Variants in TMEM222 observed in about 807,000 individuals in gnomAD.
TMEM222 encodes the protein transmembrane protein 222, also known as chromosome 1 open reading frame 160.
In TMEM222, 18 loss-of-function variants were observed where a neutral mutation model predicts 25.1. That is an observed-to-expected ratio of 0.72 (90% CI 0.50 to 1.06). The LOEUF is 1.06. TMEM222 is among the 50% of genes least tolerant of loss of function. TMEM222 has a pLI of 0.00. For synonymous variants in TMEM222, 131 were observed against 117.9 expected, an observed-to-expected ratio of 1.11 and a Z score of -0.72; for missense variants, 296 against 293.7, an observed-to-expected ratio of 1.01 and a Z score of -0.06.
At chr1:27,333,029 A>G (rs921547668) in intron 3 of TMEM222, 1 of 310,608 alleles carries the variant, frequency 3.2e-6, no homozygotes, top group Non-Finnish European at 6.4e-6. Context: ...TTGGAACAGC[A>G]ATTCTCACCC....
At chr1:27,334,379 G>C (rs2014556172) in intron 5 of TMEM222, 98 bp downstream of exon 5, 2 of 1,562,334 alleles carry the variant, frequency 1.3e-6, no homozygotes, top group South Asian at 2.4e-5. Flanking sequence ...AGTCAGCCAG[G>C]ACAGTTGGAA....
chr1:27,322,242 G>T lies in TMEM222; in HGVS notation c.45G>T (p.Pro15=), dbSNP rs113210734. 1.4e-6 allele frequency: 2 copies of T among 1,469,272 alleles called. No homozygotes were observed. The highest frequency in any genetic ancestry group is 2.9e-5 in the African/African-American group (2 of 68,980). 91.0% of individuals were successfully genotyped at this position (1,469,272 alleles called of 1,614,324 possible). Residue 15 remains proline (P), a synonymous_variant, in exon 1 of 6, where the codon CCG becomes CCT. Coordinates refer to ENST00000374076, the MANE Select transcript of TMEM222 (RefSeq NM_032125.3). ...EGSSLLLLPP[P]PPPPRMAEVE... ...GTTCTCTGCTCTTGTTGCCGCCGCC[G>T]CCACCCCCGCCCAGGATGGCGGAAG...
intron 5 of TMEM222, chr1:27,334,503 T>A (rs1012210336): frequency 5.7e-5 from 76 of 1,334,934 alleles, no homozygotes; most frequent in African/African-American, 1.5e-5. Flanking sequence ...CAGCTCTGGC[T>A]CTTGCCTGCT....
intron 2 of TMEM222, chr1:27,331,063 G>C: frequency 4.3e-6 from 6 of 1,389,688 alleles, no homozygotes; most frequent in Non-Finnish European, 5.6e-6. Context: ...CTGGGGTACC[G>C]AGACATGGGT....
chr1:27,325,257 A>G (rs1007468221), intron 1 of TMEM222: 4 of 500,272 alleles, frequency 8.0e-6, no homozygotes, highest in Non-Finnish European at 1.5e-5. Context: ...AATTGGAACG[A>G]TACAGAGAAG....
intron 3 of TMEM222, chr1:27,333,499 G>C: frequency 2.2e-6 from 1 of 458,984 alleles, no homozygotes; most frequent in South Asian, 1.6e-5. Context: ...CCTGGGTGCG[G>C]GTGCTGGTAG....
chr1:27,323,491 A>C (rs941835065), intron 1 of TMEM222, among the ~76,000 whole-genome samples: 9 of 152,220 alleles, frequency 5.9e-5, no homozygotes, highest in South Asian at 4.1e-4. Context: ...TTAAAAATAA[A>C]ATATTGGGAC....
At chr1:27,331,612 C>T (rs951471017) in intron 2 of TMEM222, among the ~76,000 whole-genome samples, 4 of 152,228 alleles carry the variant, frequency 2.6e-5, no homozygotes, top group Non-Finnish European at 5.9e-5. Context: ...GGGCCCAGCG[C>T]CCCCGCCCTG....
At chr1:27,328,025 G>GA (rs2014394415) in intron 1 of TMEM222, among the ~76,000 whole-genome samples, 1 of 152,210 alleles carries the variant, frequency 6.6e-6, no homozygotes, top group Admixed American at 6.5e-5. Flanking sequence ...GTCTCTCTTG[G>GA]AGCTTATGTT....
chr1:27,333,009 A>G (rs4970519), intron 3 of TMEM222: 100,441 of 294,486 alleles, frequency 0.34, 19,192 homozygotes, highest in Non-Finnish European at 0.41. Flanking sequence ...CCCACCGGGC[A>G]CTCTGGTGCT....
chr1:27,334,574 G>A, intron 5 of TMEM222: 1 of 1,444,270 alleles, frequency 6.9e-7, no homozygotes, highest in South Asian at 1.5e-5. Flanking sequence ...GTGAAATGCA[G>A]GCAATGATTC....
Position 27,322,256 on chromosome 1 carries a change from GGATGGCGGAAGTGGAGGCGCC to G in TMEM222, c.62_82del (p.Met21_Pro27del). 2.6e-6 allele frequency: 4 copies of G among 1,536,994 alleles called. No individual in the cohort carries two copies. Among genetic ancestry groups the G allele is most frequent in the Non-Finnish European group, 3.5e-6 (4 of 1,138,600 alleles). The stretch of plus-strand genomic sequence containing the variant: ...TTGCCGCCGCCGCCACCCCCGCCCA[GGATGGCGGAAGTGGAGGCGCC>G]GACGGCGGCCGAGACGGACATGAAG... On this transcript the variant is annotated inframe_deletion, in exon 1 of 6. Coordinates refer to ENST00000374076, the MANE Select transcript of TMEM222 (RefSeq NM_032125.3).
Position 27,330,795 on chromosome 1 carries a change from C to G in TMEM222, c.270C>G (p.Tyr90Ter). Reference protein sequence around the residue: ...TGVIRDFAGPYFVSEDNMAFG... With the variant: ...TGVIRDFAGP ...TCATTCGGGACTTCGCGGGCCCCTA[C>G]TTTGTCTCAGTGAGTCCCCATTCTG... Residue 90 changes from tyrosine to a stop codon, truncating the protein, a stop_gained, in exon 2 of 6, where the codon TAC (tyrosine) becomes TAG (stop). Transcript: ENST00000374076. LOFTEE classifies it high-confidence loss of function. 1.9e-6 allele frequency: 3 copies of G among 1,614,198 alleles called. No homozygotes were observed.
intron 3 of TMEM222, 170 bp from the exon 4 acceptor site, chr1:27,333,788 C>T (rs2014537647): frequency 4.8e-6 from 3 of 618,908 alleles, no homozygotes; most frequent in Non-Finnish European, 8.6e-6. Context: ...CACCAGCCAC[C>T]TCACCCTGTG....
intron 1 of TMEM222, among the ~76,000 whole-genome samples, chr1:27,330,515 C>T (rs1336064964): frequency 2.0e-5 from 3 of 152,190 alleles, no homozygotes; most frequent in Non-Finnish European, 2.9e-5. Flanking sequence ...GCCATCCTGG[C>T]GGGATGCTGA....
chr1:27,322,985 G>A (rs2014244127), intron 1 of TMEM222, among the ~76,000 whole-genome samples: 1 of 152,186 alleles, frequency 6.6e-6, no homozygotes, highest in African/African-American at 2.4e-5. Context: ...GGAGAAGCAG[G>A]TGCTCTGGTA....
At chr1:27,330,041 G>A (rs1005955628) in intron 1 of TMEM222, among the ~76,000 whole-genome samples, 2 of 151,492 alleles carry the variant, frequency 1.3e-5, no homozygotes, top group Admixed American at 6.6e-5. Context: ...GGCGGAGGTT[G>A]CAGTGAGCTG....
At position 27,329,067 on chromosome 1, in the gene TMEM222, T is replaced by TA. The variant is rs569236187; in HGVS notation, c.195-1647dup. 4.3e-3 allele frequency among the ~76,000 whole-genome samples: 658 copies of TA among 152,302 alleles called. 2 individuals are homozygous for TA. Among genetic ancestry groups the TA allele is most frequent in the Non-Finnish European group, 7.8e-3 (528 of 68,028 alleles). On this transcript the variant is annotated intron_variant, in intron 1 of 5. Coordinates refer to ENST00000374076, the MANE Select transcript of TMEM222 (RefSeq NM_032125.3). The stretch of plus-strand genomic sequence containing the variant: ...GTTGTTTTTTAATGCCCATGGTTTA[T>TA]AAAAAAGGAACTTTTATTTCCTGGC...
At chr1:27,331,057 G>T (rs775310083) in intron 2 of TMEM222, 17 of 1,398,182 alleles carry the variant, frequency 1.2e-5, no homozygotes, top group Non-Finnish European at 1.5e-5. Flanking sequence ...CCACCCCTGG[G>T]GTACCGAGAC....
Sources: gnomAD v4.1 joint callset for allele counts (sites outside exome capture counted in the v4.1 genomes callset) on GRCh38, gnomAD v4.1.1 for gene constraint, MANE v1.5 for transcripts, NCBI Gene and HGNC (gene_info 2026-07-23, HGNC 2026-07-21) for gene names.